The following TRPM6 variants were observed in gnomAD, a reference collection of about 807,000 sequenced individuals.
TRPM6 encodes transient receptor potential cation channel subfamily M member 6.
A neutral mutation model predicts 247.6 loss-of-function variants in TRPM6; 111 were observed. That is an observed-to-expected ratio of 0.45 (90% CI 0.38 to 0.52). TRPM6 has a LOEUF of 0.52. Among genes scored for constraint, TRPM6 ranks in the 20% least tolerant of loss-of-function variants. The pLI is 0.00. For missense variants in TRPM6, 2,126 were observed against 2,421.5 expected, an observed-to-expected ratio of 0.88 and a Z score of 2.56; for synonymous variants, 892 against 853.8, an observed-to-expected ratio of 1.04 and a Z score of -0.78.
At chr9:74,734,762 T>G (rs533913447) in intron 36 of TRPM6, among the ~76,000 whole-genome samples, 8 of 152,288 alleles carry the variant, frequency 5.3e-5, no homozygotes, top group African/African-American at 1.9e-4. Flanking sequence ...TTCCCTAAAG[T>G]GCTATGCTCC....
chr9:74,832,907 C>T (rs572387880), intron 6 of TRPM6, among the ~76,000 whole-genome samples: 3 of 151,984 alleles, frequency 2.0e-5, no homozygotes, highest in East Asian at 1.9e-4. Context: ...AAAAATTTGC[C>T]GGGCCTGGTG....
chr9:74,830,153 A>G (rs936558477), intron 6 of TRPM6, among the ~76,000 whole-genome samples: 1 of 152,100 alleles, frequency 6.6e-6, no homozygotes, highest in Non-Finnish European at 1.5e-5. Context: ...AAAACAAAAA[A>G]ACTTGAAGGT....
chr9:74,791,508 AAAAAG>A lies in TRPM6; in HGVS notation c.2538+1111_2538+1115del, dbSNP rs572324681. Among the ~76,000 whole-genome samples, 715 of 152,348 alleles carry A rather than the reference AAAAAG, an allele frequency of 4.7e-3. 8 individuals carry two copies. The highest frequency in any genetic ancestry group is 6.0e-3 in the Non-Finnish European group (409 of 68,032). On this transcript the variant is annotated intron_variant, in intron 19 of 38. Coordinates refer to ENST00000360774, the MANE Select transcript of TRPM6 (RefSeq NM_017662.5). ...GTGTTACGGAAAAAAATATTTAAAA[AAAAAG>A]AAAAGAAAATTCTATGAAATAAATG...
At chr9:74,734,074 T>A (rs1009785706) in intron 36 of TRPM6, among the ~76,000 whole-genome samples, 2 of 152,188 alleles carry the variant, frequency 1.3e-5, no homozygotes, top group Admixed American at 1.3e-4. Flanking sequence ...AGGTGCAATG[T>A]AAAGCTAAAA....
chr9:74,763,258 G>A (rs1401585050), intron 25 of TRPM6, 124 bp from the exon 26 acceptor site: 1 of 931,372 alleles, frequency 1.1e-6, no homozygotes, highest in Admixed American at 2.0e-5. Context: ...GGTTAAGTCT[G>A]TCTTTTGCCT....
At chr9:74,765,013 A>C (rs1233564054) in intron 25 of TRPM6, among the ~76,000 whole-genome samples, 1 of 152,176 alleles carries the variant, frequency 6.6e-6, no homozygotes, top group Non-Finnish European at 1.5e-5. Flanking sequence ...TAACCTAGCA[A>C]ATTAAAAAAA....
intron 3 of TRPM6, among the ~76,000 whole-genome samples, chr9:74,848,392 C>T (rs568221107): frequency 1.1e-4 from 17 of 152,266 alleles, no homozygotes; most frequent in African/African-American, 3.4e-4. Context: ...TGTAGCATGG[C>T]TAGGCTGGAC....
At chr9:74,790,745 C>A (rs942890342) in intron 19 of TRPM6, among the ~76,000 whole-genome samples, 1 of 152,136 alleles carries the variant, frequency 6.6e-6, no homozygotes, top group Non-Finnish European at 1.5e-5. Flanking sequence ...TAGTGTACAA[C>A]TATACGAATC....
chr9:74,744,304 G>T, intron 31 of TRPM6, 159 bp from the exon 32 acceptor site: 1 of 733,148 alleles, frequency 1.4e-6, no homozygotes. Context: ...ACAGTATTGC[G>T]CATGGTATCC....
chr9:74,772,058 CA>C (rs1490862236), intron 24 of TRPM6, among the ~76,000 whole-genome samples: 8 of 152,162 alleles, frequency 5.3e-5, no homozygotes. Flanking sequence ...GGAGGCTGAG[CA>C]GGGGTGGATC....
intron 1 of TRPM6, among the ~76,000 whole-genome samples, chr9:74,868,255 G>T (rs970137049): frequency 6.6e-6 from 1 of 151,846 alleles, no homozygotes; most frequent in African/African-American, 2.4e-5. Context: ...AACACTTAGG[G>T]AGGCCGAGGC....
chr9:74,743,676 T>C (rs1425759986), intron 32 of TRPM6, among the ~76,000 whole-genome samples: 1 of 152,160 alleles, frequency 6.6e-6, no homozygotes, highest in Non-Finnish European at 1.5e-5. Context: ...CTTTGTGGGG[T>C]TGGCCTTCAT....
intron 1 of TRPM6, among the ~76,000 whole-genome samples, chr9:74,873,181 C>T (rs1249016827): frequency 1.3e-5 from 2 of 152,108 alleles, no homozygotes; most frequent in Non-Finnish European, 2.9e-5. Context: ...TTCTCTCCAC[C>T]TAGAATACTC....
chr9:74,790,550 T>C (rs964979336), intron 19 of TRPM6, among the ~76,000 whole-genome samples: 3 of 152,214 alleles, frequency 2.0e-5, no homozygotes, highest in African/African-American at 4.8e-5. Context: ...TTTACGTACA[T>C]TAATGGTCTC....
intron 31 of TRPM6, among the ~76,000 whole-genome samples, chr9:74,746,342 A>C (rs527799482): frequency 6.1e-4 from 93 of 152,354 alleles, no homozygotes; most frequent in Non-Finnish European, 1.0e-3. Flanking sequence ...ATGTGAAAAA[A>C]TGGAAGACAA....
At position 74,775,889 on chromosome 9, in the gene TRPM6, C is replaced by T. The variant is rs757998703; in HGVS notation, c.3397G>A (p.Gly1133Arg). Residue 1133 changes from glycine (G) to arginine (R), a missense_variant, in exon 24 of 39, where the codon GGA (glycine) becomes AGA (arginine). Around this residue, in one of 3 missense-constraint regions of TRPM6, gnomAD observed 717 missense variants for 715.9 expected, o/e 1.00. Transcript: ENST00000360774. Reference sequence around the variant, plus strand: ...CTCACATAGAACAACTTACTTAATCCAACGTCACCCTCTTCTTGGTCGTGA... The same window carrying T: ...CTCACATAGAACAACTTACTTAATCTAACGTCACCCTCTTCTTGGTCGTGA... ...APHDQEEGDV[G>R]LKLYLSKEDL... 6.2e-7 allele frequency: 1 copy of T among 1,614,048 alleles called. No individual in the cohort carries two copies.
chr9:74,811,434 T>C (rs1308307199), intron 12 of TRPM6, among the ~76,000 whole-genome samples: 1 of 152,090 alleles, frequency 6.6e-6, no homozygotes, highest in Non-Finnish European at 1.5e-5. Flanking sequence ...AGAATAAGAT[T>C]TAAAGGACAA....
At chr9:74,852,718 C>CCTGACCGCGAGTGAT in intron 3 of TRPM6, among the ~76,000 whole-genome samples, 1 of 152,358 alleles carries the variant, frequency 6.6e-6, no homozygotes, top group South Asian at 2.1e-4. Context: ...GTCTCCAGCT[C>CCTGACCGCGAGTGAT]CTGACCGCGA....
chr9:74,840,939 A>G (rs1247777533), intron 4 of TRPM6, among the ~76,000 whole-genome samples: 2 of 152,138 alleles, frequency 1.3e-5, no homozygotes, highest in Non-Finnish European at 2.9e-5. Context: ...AAGCTATAAC[A>G]AATAGGTGAA....
Sources: allele counts gnomAD v4.1 joint callset (sites outside exome capture counted in the v4.1 genomes callset), GRCh38; gene constraint gnomAD v4.1.1; regional missense constraint gnomAD v4.1.1; transcripts MANE v1.5; gene names NCBI Gene and HGNC (gene_info 2026-07-23, HGNC 2026-07-21).